Variants in LPCAT1 observed in about 807,000 individuals in gnomAD.
LPCAT1 encodes the protein 1-acylglycerol-3-phosphate O-acyltransferase.
In LPCAT1, 23 loss-of-function variants were observed where a neutral mutation model predicts 60.9. The observed-to-expected ratio is 0.38, with a 90% CI of 0.27 to 0.53. The LOEUF (loss-of-function observed/expected upper bound fraction) is 0.53. Ranked by LOEUF, LPCAT1 falls within the 20% of genes least tolerant of loss-of-function variation. LPCAT1 has a pLI of 0.82. For missense variants in LPCAT1, 622 were observed against 723.6 expected, an observed-to-expected ratio of 0.86 and a Z score of 1.61; for synonymous variants, 340 against 301.1, an observed-to-expected ratio of 1.13 and a Z score of -1.34.
chr5:1,469,654 G>A (rs1382425986), intron 12 of LPCAT1, among the ~76,000 whole-genome samples: 1 of 152,216 alleles, frequency 6.6e-6, no homozygotes, highest in African/African-American at 2.4e-5. Context: ...GCACGAGCCT[G>A]TAATCCCAGC....
Position 1,488,333 on chromosome 5 carries a change from C to G in LPCAT1, c.667+58G>C. 2.7e-6 allele frequency: 3 copies of G among 1,093,668 alleles called. 1 individual carries two copies. The highest frequency in any genetic ancestry group is 4.1e-6 in the Non-Finnish European group (3 of 738,918). 67.7% of individuals were successfully genotyped at this position (1,093,668 alleles called of 1,614,324 possible). ...TGCACAGCACATTATTAAAAAACATCTCTTTAATATTTTCCTTTTCTCTAG... is the reference window on the plus strand; with the variant it reads ...TGCACAGCACATTATTAAAAAACATGTCTTTAATATTTTCCTTTTCTCTAG... On this transcript the variant is annotated intron_variant, in intron 5 of 13. Transcript: ENST00000283415.
In LPCAT1 at chr5:1,495,973, T is replaced by C. The variant is rs967650461; in HGVS notation, c.279-1059A>G. On this transcript the variant is annotated intron_variant, in intron 2 of 13. Transcript: ENST00000283415. The surrounding 1 kb of genome is among the most constrained non-coding windows in gnomAD (Gnocchi z 4.7). Reference sequence around the variant, plus strand: ...ACAATGGTGTAGTTACACATGGAGATGCTGGGGACCAACCCAGGGTGCTGC... The same window carrying C: ...ACAATGGTGTAGTTACACATGGAGACGCTGGGGACCAACCCAGGGTGCTGC... Among the ~76,000 whole-genome samples, 1 of 152,186 alleles carries C rather than the reference T, an allele frequency of 6.6e-6. No homozygotes were observed. The highest frequency in any genetic ancestry group is 1.5e-5 in the Non-Finnish European group (1 of 68,030).
intron 12 of LPCAT1, among the ~76,000 whole-genome samples, chr5:1,469,845 C>A (rs1734596650): frequency 6.6e-6 from 1 of 151,654 alleles, no homozygotes; most frequent in East Asian, 1.9e-4. Context: ...GGCCGCAGGG[C>A]CACAGGGCCT....
Position 1,521,570 on chromosome 5 carries a change from G to T in LPCAT1, c.135+2140C>A. 3 of 728,220 alleles carry T rather than the reference G, an allele frequency of 4.1e-6. No homozygotes were observed. The highest frequency in any genetic ancestry group is 5.0e-6 in the Non-Finnish European group (3 of 595,272). 45.1% of individuals were successfully genotyped at this position (728,220 alleles called of 1,614,324 possible). A position where few individuals can be genotyped will look rare whatever the true frequency, so the allele number is the denominator to read the frequency against. ...TGTTTCTGCAGAGAACTTTGAGAAC[G>T]TTTACAAACTAAACCCTTGAGCCAC... On this transcript the variant is annotated intron_variant, in intron 1 of 13. Coordinates refer to ENST00000283415, the MANE Select transcript of LPCAT1 (RefSeq NM_024830.5). This position sits in a 1 kb window ranked among gnomAD's most constrained non-coding sequence, Gnocchi z 4.3.
chr5:1,510,356 C>T (rs563937216), intron 1 of LPCAT1, among the ~76,000 whole-genome samples: 8 of 152,362 alleles, frequency 5.3e-5, no homozygotes, highest in African/African-American at 1.7e-4. Context: ...TACCGCCTCC[C>T]GCCGCTGTCA....
At chr5:1,467,347 TAGAAATCGACAGGGC>T (rs1460707544) in intron 12 of LPCAT1, 1 of 157,676 alleles carries the variant, frequency 6.3e-6, no homozygotes, top group East Asian at 1.9e-4. Context: ...CCCTGATGGT[TAGAAATCGACAGGGC>T]AGATCAGGAG....
At position 1,470,734 on chromosome 5, in the gene LPCAT1, G is replaced by A. The variant is rs1234844373; in HGVS notation, c.1278+92C>T. Reference sequence around the variant, plus strand: ...CAGTTGGGCAAATGATCAATTAACTGATATTATAAGGAACTAGAGAAATGA... The same window carrying A: ...CAGTTGGGCAAATGATCAATTAACTAATATTATAAGGAACTAGAGAAATGA... On this transcript the variant is annotated intron_variant, in intron 12 of 13. Coordinates refer to ENST00000283415, the MANE Select transcript of LPCAT1 (RefSeq NM_024830.5). The A allele has an allele frequency of 7.9e-6, 7 of 881,884 alleles. No homozygotes were observed. In the East Asian group the frequency reaches 1.7e-4, roughly 21 times the overall value. The allele number at this position is 881,884 out of a possible 1,614,324, so 54.6% of individuals were successfully genotyped here.
chr5:1,501,301 G>C (rs1735993671), intron 2 of LPCAT1, among the ~76,000 whole-genome samples, 160 bp downstream of exon 2: 1 of 152,208 alleles, frequency 6.6e-6, no homozygotes, highest in African/African-American at 2.4e-5. Flanking sequence ...AGGTGGCCGA[G>C]TCCCCACTGG....
intron 3 of LPCAT1, among the ~76,000 whole-genome samples, chr5:1,490,502 C>G (rs1735536994): frequency 6.6e-6 from 1 of 152,166 alleles, no homozygotes; most frequent in Non-Finnish European, 1.5e-5. Flanking sequence ...CACCACGAGC[C>G]GGGAGGGCCG....
chr5:1,506,203 G>C (rs938683641), intron 1 of LPCAT1, among the ~76,000 whole-genome samples: 17 of 152,208 alleles, frequency 1.1e-4, no homozygotes, highest in African/African-American at 3.9e-4. Flanking sequence ...CTTGGAGAGG[G>C]GGCCTCTGGG....
Position 1,496,877 on chromosome 5 carries a change from G to A in LPCAT1, c.279-1963C>T, listed in dbSNP as rs1227058288. Among the ~76,000 whole-genome samples the A allele has an allele frequency of 2.0e-5, 3 of 152,212 alleles. No homozygotes were observed. Among genetic ancestry groups the A allele is most frequent in the Non-Finnish European group, 2.9e-5 (2 of 68,042 alleles). On this transcript the variant is annotated intron_variant, in intron 2 of 13. Coordinates refer to ENST00000283415, the MANE Select transcript of LPCAT1 (RefSeq NM_024830.5). This position sits in a 1 kb window ranked among gnomAD's most constrained non-coding sequence, Gnocchi z 4.7. ...CAAAGGGAGCCAGCACAAGCCCAGG[G>A]TGCTCAGGTGCCTGGGCAGCCCATT...
At chr5:1,493,731 A>C (rs1366779176) in intron 3 of LPCAT1, among the ~76,000 whole-genome samples, 2 of 152,224 alleles carry the variant, frequency 1.3e-5, no homozygotes, top group Non-Finnish European at 2.9e-5. Context: ...GGGGCCACGC[A>C]GGGCTCCCTA....
intron 4 of LPCAT1, 26 bp from the exon 5 acceptor site, chr5:1,488,477 C>A: frequency 6.8e-7 from 1 of 1,460,732 alleles, no homozygotes; most frequent in Non-Finnish European, 9.4e-7. Flanking sequence ...AGAAAAGGAT[C>A]AGCATTAAAC....
At chr5:1,472,813 T>C (rs973892951) in intron 11 of LPCAT1, among the ~76,000 whole-genome samples, 4 of 151,418 alleles carry the variant, frequency 2.6e-5, no homozygotes, top group African/African-American at 9.7e-5. Context: ...TTACGGACAC[T>C]AGGCAGGACT....
At position 1,477,061 on chromosome 5, in the gene LPCAT1, C is replaced by T. The variant is rs567207199; in HGVS notation, c.899+343G>A. On this transcript the variant is annotated intron_variant, in intron 9 of 13. Coordinates refer to ENST00000283415, the MANE Select transcript of LPCAT1 (RefSeq NM_024830.5). The surrounding 1 kb of genome is among the most constrained non-coding windows in gnomAD (Gnocchi z 6.0). ...ACACAGGCAGATGAGCAAAGGTAGGCGTGGAGGCCGCCGCACAGATGTGAA... is the reference window on the plus strand; with the variant it reads ...ACACAGGCAGATGAGCAAAGGTAGGTGTGGAGGCCGCCGCACAGATGTGAA... 6.6e-6 allele frequency among the ~76,000 whole-genome samples: 1 copy of T among 152,200 alleles called. No individual in the cohort carries two copies. The highest frequency in any genetic ancestry group is 1.5e-5 in the Non-Finnish European group (1 of 68,040).
At chr5:1,465,048 C>T (rs966742434) in intron 13 of LPCAT1, among the ~76,000 whole-genome samples, 9 of 141,580 alleles carry the variant, frequency 6.4e-5, no homozygotes, top group East Asian at 6.3e-4. Context: ...AACACACATG[C>T]GCACGCACAA....
At chr5:1,520,312 G>A (rs1048520984) in intron 1 of LPCAT1, among the ~76,000 whole-genome samples, 1 of 152,174 alleles carries the variant, frequency 6.6e-6, no homozygotes, top group Non-Finnish European at 1.5e-5. Context: ...TGGAGAAAAA[G>A]ATGGCCCACT....
intron 1 of LPCAT1, among the ~76,000 whole-genome samples, chr5:1,511,147 T>C (rs1249711199): frequency 6.6e-6 from 1 of 152,220 alleles, no homozygotes; most frequent in Non-Finnish European, 1.5e-5. Context: ...GGTTACTTGC[T>C]CATGCCCACG....
In LPCAT1 at chr5:1,477,209, G is replaced by A. The variant is rs1276029036; in HGVS notation, c.899+195C>T. The stretch of plus-strand genomic sequence containing the variant: ...ATGCATCTTCCCAACGTCAAAGAGG[G>A]TGAAATGCCATCAGAGGGAAACAAG... On this transcript the variant is annotated intron_variant, in intron 9 of 13. Coordinates refer to ENST00000283415, the MANE Select transcript of LPCAT1 (RefSeq NM_024830.5). This position sits in a 1 kb window ranked among gnomAD's most constrained non-coding sequence, Gnocchi z 6.0. Among the ~76,000 whole-genome samples, 1 of 152,182 alleles carries A rather than the reference G, an allele frequency of 6.6e-6. No individual in the cohort carries two copies. The highest frequency in any genetic ancestry group is 1.5e-5 in the Non-Finnish European group (1 of 68,050).
Sources: gnomAD v4.1 joint callset for allele counts (sites outside exome capture counted in the v4.1 genomes callset) on GRCh38, gnomAD v4.1.1 for gene constraint, Gnocchi (gnomAD v3.1) non-coding constraint, MANE v1.5 for transcripts, NCBI Gene and HGNC (gene_info 2026-07-23, HGNC 2026-07-21) for gene names.